SLC41A3: variants seen among roughly 807,000 people sequenced by gnomAD.
SLC41A3 encodes the protein solute carrier family 41 member 3, also known as SLC41A1-like 2.
Under a neutral mutation model 45.4 loss-of-function variants are expected in SLC41A3, and 44 were observed. The observed-to-expected ratio is 0.97, with a 90% CI of 0.76 to 1.25. The LOEUF is 1.25. Ranked by LOEUF, SLC41A3 falls within the 50% of genes most tolerant of loss-of-function variation. The probability of loss-of-function intolerance (pLI) is 0.00; values close to 1 mark genes in which losing one functional copy is unlikely to be tolerated. For synonymous variants in SLC41A3, 256 were observed against 252.4 expected (o/e 1.01, Z -0.13); for missense variants, 550 against 600.6 (o/e 0.92, Z 0.88).
In SLC41A3 at chr3:126,033,788, T is replaced by A. The variant is rs1576269275; in HGVS notation, c.382-110A>T. On this transcript the variant is annotated intron_variant, in intron 3 of 10. Transcript: ENST00000360370. ...GAAGAAATCAACAAATACCATTTCA[T>A]CAGCGTCAGAAAAAAATTCCTCTGC... The A allele has an allele frequency of 5.1e-6, 6 of 1,167,766 alleles. No homozygotes were observed. The East Asian group carries it at 1.5e-4, about 29-fold the overall frequency. 72.3% of individuals were successfully genotyped at this position (1,167,766 alleles called of 1,614,324 possible).
At chr3:126,046,651 G>A (rs1942977171) in intron 3 of SLC41A3, among the ~76,000 whole-genome samples, 1 of 152,164 alleles carries the variant, frequency 6.6e-6, no homozygotes, top group African/African-American at 2.4e-5. Flanking sequence ...TGGACTGGAA[G>A]ACTTAATATT....
chr3:126,081,851 G>C (rs1349742853), intron 1 of SLC41A3, among the ~76,000 whole-genome samples: 1 of 152,242 alleles, frequency 6.6e-6, no homozygotes, highest in South Asian at 2.1e-4. Context: ...GTTAACCCAA[G>C]AGTGCGCAGC....
In SLC41A3 at chr3:126,016,831, G is replaced by C. The variant is rs1940337901; in HGVS notation, c.790C>G (p.Leu264Val). The change falls in exon 7 of 11, where the codon CTG becomes GTG. Residue 264 changes from leucine (L) to valine (V), a missense_variant. Leu to Val is a conservative substitution (Grantham distance 32, BLOSUM62 1). Transcript: ENST00000360370. Reference sequence around the variant, plus strand: ...GCAATGAGGACCCACACTGGGGTCAGAGCCGCAAAGCTGAGGCAGACCAGC... The same window carrying C: ...GCAATGAGGACCCACACTGGGGTCACAGCCGCAAAGCTGAGGCAGACCAGC... Reference protein sequence around the residue: ...TPLVCLSFAALTPVWVLIAKQ... With the variant: ...TPLVCLSFAAVTPVWVLIAKQ... 1 of 1,613,166 alleles carries C rather than the reference G, an allele frequency of 6.2e-7. No homozygotes were observed.
intron 9 of SLC41A3, among the ~76,000 whole-genome samples, chr3:126,011,039 G>A (rs1408416852): frequency 1.3e-5 from 2 of 152,202 alleles, no homozygotes; most frequent in African/African-American, 4.8e-5. Flanking sequence ...CTTACCAAGA[G>A]CAAGAAAAAT....
rs1270060093 is a variant in SLC41A3, at chr3:126,051,482, C to T, written c.274-432G>A. On this transcript the variant is annotated intron_variant, in intron 2 of 10. Coordinates refer to ENST00000360370, the MANE Select transcript of SLC41A3 (RefSeq NM_017836.4). ...ACGATCTTCACACAGGCCATGCAGG[C>T]CCTGCCTCCCTCTGCCCCCAGGTCC... Among the ~76,000 whole-genome samples, 5 of 152,208 alleles carry T rather than the reference C, an allele frequency of 3.3e-5. No individual in the cohort carries two copies. In the East Asian group the frequency reaches 9.6e-4, roughly 29 times the overall value.
chr3:126,098,460 A>G (rs1323423233), intron 1 of SLC41A3, among the ~76,000 whole-genome samples: 2 of 152,232 alleles, frequency 1.3e-5, no homozygotes, highest in East Asian at 1.9e-4. Flanking sequence ...GTATTTTGCA[A>G]TGAGCTGCTA....
chr3:126,006,749 A>G lies in SLC41A3; in HGVS notation c.*267T>C. 1 of 1,443,962 alleles carries G rather than the reference A, an allele frequency of 6.9e-7. No homozygotes were observed. Among genetic ancestry groups the G allele is most frequent in the Admixed American group, 2.9e-5 (1 of 34,932 alleles). The allele number at this position is 1,443,962 out of a possible 1,614,324, so 89.4% of individuals were successfully genotyped here. ...GGCCAGAACACCCTCCTCTCCACAA[A>G]CGTGTGCACACTTGCACGCTCATTA... is the stretch of plus-strand genomic sequence containing the variant. On this transcript the variant is annotated 3_prime_UTR_variant, in exon 11 of 11. Coordinates refer to ENST00000360370, the MANE Select transcript of SLC41A3 (RefSeq NM_017836.4).
chr3:126,058,175 G>C (rs376358290), intron 2 of SLC41A3: 1 of 152,276 alleles, frequency 6.6e-6, no homozygotes, highest in African/African-American at 2.4e-5. Context: ...TCTTCTCACC[G>C]GGCCCTGCCC....
At chr3:126,011,304 T>C (rs1352097273) in intron 9 of SLC41A3, among the ~76,000 whole-genome samples, 1 of 151,448 alleles carries the variant, frequency 6.6e-6, no homozygotes, top group Non-Finnish European at 1.5e-5. Context: ...CCCCCAAAAG[T>C]CCCAGACAAC....
chr3:126,036,805 T>A (rs563665656), intron 3 of SLC41A3, among the ~76,000 whole-genome samples: 4 of 152,354 alleles, frequency 2.6e-5, no homozygotes, highest in East Asian at 1.9e-4. Flanking sequence ...TGGATTAAGA[T>A]GGAAGATGGA....
At chr3:126,011,572 T>C (rs550467986) in intron 9 of SLC41A3, among the ~76,000 whole-genome samples, 9 of 152,330 alleles carry the variant, frequency 5.9e-5, no homozygotes, top group South Asian at 2.1e-4. Flanking sequence ...TATAAATCCA[T>C]GTGTTCAAGG....
At chr3:126,055,554 T>C (rs770148940) in intron 2 of SLC41A3, among the ~76,000 whole-genome samples, 10 of 152,184 alleles carry the variant, frequency 6.6e-5, no homozygotes, top group African/African-American at 2.4e-4. Flanking sequence ...AAACCATATA[T>C]GTATATGTTT....
In SLC41A3 at chr3:126,034,129, C is replaced by T. The variant is rs553648889; in HGVS notation, c.382-451G>A. Among the ~76,000 whole-genome samples, 2 of 152,326 alleles carry T rather than the reference C, an allele frequency of 1.3e-5. 1 individual carries two copies. The highest frequency in any genetic ancestry group is 4.1e-4 in the South Asian group (2 of 4,826). On this transcript the variant is annotated intron_variant, in intron 3 of 10. Coordinates refer to ENST00000360370, the MANE Select transcript of SLC41A3 (RefSeq NM_017836.4). ...TGTGAAGCCCAGTCTTTGGCCAGGTCCCCCTGCCACCTACAACACCCTCCT... is the reference window on the plus strand; with the variant it reads ...TGTGAAGCCCAGTCTTTGGCCAGGTTCCCCTGCCACCTACAACACCCTCCT...
At chr3:126,052,459 ACTC>A (rs1943395315) in intron 2 of SLC41A3, among the ~76,000 whole-genome samples, 1 of 151,674 alleles carries the variant, frequency 6.6e-6, no homozygotes, top group Admixed American at 6.6e-5. Context: ...GTCACAGCAA[ACTC>A]CTCCTTTCAG....
At chr3:126,043,490 G>A (rs1942725851) in intron 3 of SLC41A3, among the ~76,000 whole-genome samples, 1 of 150,008 alleles carries the variant, frequency 6.7e-6, no homozygotes, top group Admixed American at 6.6e-5. Context: ...GCACAAAAAA[G>A]TATTAAAAAT....
In SLC41A3 at chr3:126,016,745, G is replaced by A. The variant is rs759047657; in HGVS notation, c.876C>T (p.Ala292=). 1.2e-6 allele frequency: 2 copies of A among 1,611,074 alleles called. No individual in the cohort carries two copies. The highest frequency in any genetic ancestry group is 3.4e-5 in the Admixed American group (2 of 59,482). The change falls in exon 7 of 11, where the codon GCC becomes GCT. Residue 292 remains alanine (A), a synonymous_variant. Coordinates refer to ENST00000360370, the MANE Select transcript of SLC41A3 (RefSeq NM_017836.4). ...LKFGWFPIIL[A]MVISSFGGLI... ...CTCCTGCTCACCTGCTGATGACCATGGCCAGGATGATTGGGAACCAGCCAA... is the reference window on the plus strand; with the variant it reads ...CTCCTGCTCACCTGCTGATGACCATAGCCAGGATGATTGGGAACCAGCCAA...
intron 9 of SLC41A3, among the ~76,000 whole-genome samples, chr3:126,012,072 A>T (rs1315413251): frequency 6.6e-6 from 1 of 151,964 alleles, no homozygotes; most frequent in Non-Finnish European, 1.5e-5. Context: ...CCTCCTGTCC[A>T]TTCAGCTCAG....
chr3:126,012,499 C>T lies in SLC41A3; in HGVS notation c.1105+116G>A, dbSNP rs1426423924. On this transcript the variant is annotated intron_variant, in intron 9 of 10. Coordinates refer to ENST00000360370, the MANE Select transcript of SLC41A3 (RefSeq NM_017836.4). ...TCTGGGGCCCTGAAGGTGATGTGTG[C>T]CGAGATCAGCCCTGGCTTCAGGCAT... 2.2e-6 allele frequency: 3 copies of T among 1,376,420 alleles called. No individual in the cohort carries two copies. The Admixed American group carries it at 5.6e-5, about 26-fold the overall frequency. 85.3% of individuals were successfully genotyped at this position (1,376,420 alleles called of 1,614,324 possible).
Position 126,018,223 on chromosome 3 carries a change from G to A in SLC41A3, c.746-1348C>T, listed in dbSNP as rs3792284. On this transcript the variant is annotated intron_variant, in intron 6 of 10. Coordinates refer to ENST00000360370, the MANE Select transcript of SLC41A3 (RefSeq NM_017836.4). ...ACAGATGCCCCAACAGTGATTTTGT[G>A]TCTAAATCATAAGTCATGTGGAAAT... 7.9e-5 allele frequency among the ~76,000 whole-genome samples: 12 copies of A among 152,308 alleles called. No individual in the cohort carries two copies. The East Asian group carries it at 2.3e-3, about 29-fold the overall frequency.
Sources: allele counts gnomAD v4.1 joint callset (sites outside exome capture counted in the v4.1 genomes callset), GRCh38; gene constraint gnomAD v4.1.1; transcripts MANE v1.5; gene names NCBI Gene and HGNC (gene_info 2026-07-23, HGNC 2026-07-21).